Variants in ZMYM4 observed in about 807,000 individuals in gnomAD.
ZMYM4 encodes the protein zinc finger MYM-type containing 4.
In ZMYM4, 31 loss-of-function variants were observed where a neutral mutation model predicts 183.2. The observed-to-expected ratio is 0.17, with a 90% CI of 0.13 to 0.23. The LOEUF is 0.23. ZMYM4 is among the 10% of genes least tolerant of loss of function. The pLI is 1.00. For synonymous variants in ZMYM4, 592 were observed against 631.2 expected, an observed-to-expected ratio of 0.94 and a Z score of 0.93; for missense variants, 1,273 against 1,840.3, an observed-to-expected ratio of 0.69 and a Z score of 5.64.
At chr1:35,305,967 A>G (rs2148764409) in intron 1 of ZMYM4, among the ~76,000 whole-genome samples, 1 of 152,158 alleles carries the variant, frequency 6.6e-6, no homozygotes, top group East Asian at 1.9e-4. Flanking sequence ...TTTGACTTTC[A>G]GTCTGTGTCT....
chr1:35,298,070 C>G (rs968320909), intron 1 of ZMYM4, among the ~76,000 whole-genome samples: 3 of 152,208 alleles, frequency 2.0e-5, no homozygotes, highest in African/African-American at 7.2e-5. Context: ...TGGAATAAAT[C>G]TGGATGATGG....
chr1:35,311,248 C>A (rs765963917), intron 1 of ZMYM4, among the ~76,000 whole-genome samples: 1 of 151,796 alleles, frequency 6.6e-6, no homozygotes, highest in Admixed American at 6.6e-5. Context: ...GGTGAAACCC[C>A]GTCTCTACTA....
chr1:35,385,654 T>G, intron 10 of ZMYM4, 62 bp downstream of exon 10: 2 of 1,507,970 alleles, frequency 1.3e-6, no homozygotes, highest in Non-Finnish European at 1.8e-6. Context: ...ATTGCTTTGT[T>G]TTTAACGGTT....
At chr1:35,346,965 T>G (rs996171807) in intron 2 of ZMYM4, among the ~76,000 whole-genome samples, 2 of 152,188 alleles carry the variant, frequency 1.3e-5, no homozygotes, top group Non-Finnish European at 2.9e-5. Context: ...CATCCAGAAA[T>G]AGGCCCTGGA....
chr1:35,392,105 C>G (rs1644718234), intron 15 of ZMYM4, 107 bp from the exon 16 acceptor site: 10 of 1,446,938 alleles, frequency 6.9e-6, no homozygotes, highest in Non-Finnish European at 8.5e-6. Flanking sequence ...TTTGCTCCAA[C>G]AGAAATTACT....
In ZMYM4 at chr1:35,399,055, G is replaced by A. The variant is rs1415355701; in HGVS notation, c.3433+12G>A. On this transcript the variant is annotated intron_variant, in intron 22 of 29. Coordinates refer to ENST00000314607, the MANE Select transcript of ZMYM4 (RefSeq NM_005095.3). The stretch of plus-strand genomic sequence containing the variant: ...AGATTTTCCATCAGGTTTGTGTACA[G>A]TAACCTGTCCACTGAAAGCTTTTTA... 1.2e-6 allele frequency: 2 copies of A among 1,612,632 alleles called. No individual in the cohort carries two copies. Among genetic ancestry groups the A allele is most frequent in the Non-Finnish European group, 1.7e-6 (2 of 1,179,042 alleles).
chr1:35,338,301 C>A (rs1292346175), intron 2 of ZMYM4, among the ~76,000 whole-genome samples: 2 of 152,226 alleles, frequency 1.3e-5, no homozygotes, highest in East Asian at 1.9e-4. Flanking sequence ...TGGGCTTGAA[C>A]TGTACGGGTC....
intron 3 of ZMYM4, 32 bp downstream of exon 3, chr1:35,359,478 A>G (rs1643892058): frequency 2.7e-6 from 4 of 1,506,898 alleles, no homozygotes; most frequent in Admixed American, 4.8e-5. Flanking sequence ...ACCATAAAAC[A>G]CAATTAAAAA....
At chr1:35,361,348 T>C in intron 4 of ZMYM4, 93 bp downstream of exon 4, 1 of 1,275,440 alleles carries the variant, frequency 7.8e-7, no homozygotes, top group Non-Finnish European at 1.1e-6. Flanking sequence ...ATGTATTAGG[T>C]AGAGCACTGA....
At position 35,415,405 on chromosome 1, in the gene ZMYM4, A is replaced by G. The variant is rs1330214295; in HGVS notation, c.4061-61A>G. 7 of 1,591,948 alleles carry G rather than the reference A, an allele frequency of 4.4e-6. 1 individual carries two copies. The highest frequency in any genetic ancestry group is 1.7e-4 in the Middle Eastern group (1 of 5,938). ...ATCTCCCTGTCTTAGAATTTGAGAG[A>G]TTACTTAGTCTACTTTAGCAGGAGC... On this transcript the variant is annotated intron_variant, in intron 27 of 29. Coordinates refer to ENST00000314607, the MANE Select transcript of ZMYM4 (RefSeq NM_005095.3).
At position 35,269,054 on chromosome 1, in the gene ZMYM4, A is replaced by G. The variant is rs1455942391; in HGVS notation, c.8A>G (p.Glu3Gly). The G allele has an allele frequency of 6.5e-7, 1 of 1,547,464 alleles. No homozygotes were observed. The highest frequency in any genetic ancestry group is 8.7e-7 in the Non-Finnish European group (1 of 1,145,902). ...TTCCGAGCGGGGCCCAACATGGCGG[A>G]GAGAGAGGTGGAGTCCGGCCCCCGA... MA[E>G]REVESGPRKR... The change falls in exon 1 of 30, where the codon GAG becomes GGG. Residue 3 changes from glutamate (E) to glycine (G), a missense_variant. By Grantham distance (98) the Glu-to-Gly change is moderately conservative (BLOSUM62 -2). This residue lies in a region of ZMYM4 where 384 missense variants were observed against 465.6 expected (regional missense o/e 0.82). Transcript: ENST00000314607.
Position 35,268,980 on chromosome 1 carries a change from G to C in ZMYM4, c.-67G>C, listed in dbSNP as rs1639445475. ...GGCCGTGCCTGCAGTGTGGGCGGGG[G>C]CCGGGGGGCCGAGAGGTACCGCCGC... is the stretch of plus-strand genomic sequence containing the variant. On this transcript the variant is annotated 5_prime_UTR_variant, in exon 1 of 30. Coordinates refer to ENST00000314607, the MANE Select transcript of ZMYM4 (RefSeq NM_005095.3). The C allele has an allele frequency of 3.4e-6, 5 of 1,481,786 alleles. No homozygotes were observed. The African/African-American group carries it at 4.4e-5, about 13-fold the overall frequency. 91.8% of individuals were successfully genotyped at this position (1,481,786 alleles called of 1,614,324 possible). A position where few individuals can be genotyped will look rare whatever the true frequency, so the allele number is the denominator to read the frequency against.
chr1:35,350,982 A>G, intron 2 of ZMYM4: 1 of 810,106 alleles, frequency 1.2e-6, no homozygotes, highest in South Asian at 1.6e-5. Flanking sequence ...ATATGGTTTG[A>G]AGGTTGGCCT....
At position 35,386,984 on chromosome 1, in the gene ZMYM4, T is replaced by C; in HGVS notation, c.1837-19T>C. ...TAACAAAGATTAAATTGATACTTTTTGTTGTTTTGTTTTTCCAGAATTTAT... is the reference window on the plus strand; with the variant it reads ...TAACAAAGATTAAATTGATACTTTTCGTTGTTTTGTTTTTCCAGAATTTAT... On this transcript the variant is annotated intron_variant, in intron 11 of 29. Coordinates refer to ENST00000314607, the MANE Select transcript of ZMYM4 (RefSeq NM_005095.3). 6.2e-7 allele frequency: 1 copy of C among 1,607,672 alleles called. No homozygotes were observed.
At chr1:35,401,691 CAT>C (rs1558177063) in intron 23 of ZMYM4, among the ~76,000 whole-genome samples, 2 of 152,102 alleles carry the variant, frequency 1.3e-5, no homozygotes, top group Non-Finnish European at 2.9e-5. Flanking sequence ...TTGCCTAACT[CAT>C]AGTAACTAAG....
intron 1 of ZMYM4, among the ~76,000 whole-genome samples, chr1:35,310,993 C>T (rs143146811): frequency 5.9e-5 from 9 of 152,234 alleles, no homozygotes; most frequent in East Asian, 3.9e-4. Context: ...TAAACACCAC[C>T]GCAAACAGTA....
At chr1:35,295,740 A>C (rs1256006738) in intron 1 of ZMYM4, among the ~76,000 whole-genome samples, 2 of 152,190 alleles carry the variant, frequency 1.3e-5, no homozygotes, top group African/African-American at 4.8e-5. Context: ...AATGGTGCAG[A>C]GTCCTTCCTC....
intron 1 of ZMYM4, among the ~76,000 whole-genome samples, chr1:35,269,475 G>A (rs555798432): frequency 6.6e-6 from 1 of 152,008 alleles, no homozygotes; most frequent in Non-Finnish European, 1.5e-5. Context: ...GGAATAAGTC[G>A]TGGAGGGGTC....
intron 2 of ZMYM4, among the ~76,000 whole-genome samples, chr1:35,342,825 C>A (rs1212375559): frequency 6.6e-6 from 1 of 151,964 alleles, no homozygotes; most frequent in Non-Finnish European, 1.5e-5. Flanking sequence ...CACATGCCAC[C>A]ACGCCCAGCT....
Sources: allele counts gnomAD v4.1 joint callset (sites outside exome capture counted in the v4.1 genomes callset), GRCh38; gene constraint gnomAD v4.1.1; regional missense constraint gnomAD v4.1.1; transcripts MANE v1.5; gene names NCBI Gene and HGNC (gene_info 2026-07-23, HGNC 2026-07-21).